RBBP7: variants seen among roughly 807,000 people sequenced by gnomAD.
The protein encoded by RBBP7 is histone-binding protein RBBP7.
A neutral mutation model predicts 35.2 loss-of-function variants in RBBP7; 5 were observed. That is an observed-to-expected ratio of 0.14 (90% CI 0.07 to 0.30). The LOEUF is 0.30. Among genes scored for constraint, RBBP7 ranks in the 10% least tolerant of loss-of-function variants. RBBP7 has a pLI of 1.00. For synonymous variants in RBBP7, 140 were observed against 118.7 expected (o/e 1.18, Z -1.17); for missense variants, 155 against 327.5 (o/e 0.47, Z 4.07).
rs1250490589 is a variant in RBBP7 at position 16,870,171 on chromosome X, G to C, written c.-118C>G. 3 of 901,263 alleles carry C rather than the reference G, an allele frequency of 3.3e-6. No homozygotes were observed. The highest frequency in any genetic ancestry group is 2.8e-6 in the Non-Finnish European group (2 of 719,124). 74.3% of individuals were successfully genotyped at this position (901,263 alleles called of 1,213,427 possible). A position where few individuals can be genotyped will look rare whatever the true frequency, so the allele number is the denominator to read the frequency against. On this transcript the variant is annotated 5_prime_UTR_variant, in exon 1 of 12. Transcript: ENST00000380087. Reference sequence around the variant, plus strand: ...CGCGTCACACTCCCCACTGTCGAAAGCCCGGGCCCCGTCTTGCTGCCTGGG... The same window carrying C: ...CGCGTCACACTCCCCACTGTCGAAACCCCGGGCCCCGTCTTGCTGCCTGGG...
intron 2 of RBBP7, among the ~76,000 whole-genome samples, chrX:16,866,554 AAAAG>A (rs1236483259): frequency 5.2e-5 from 3 of 57,674 alleles, no homozygotes; most frequent in African/African-American, 1.5e-4. Context: ...AAAAAAAAAA[AAAAG>A]AAAGAAAGAA....
chrX:16,853,019 C>T, intron 6 of RBBP7, 144 bp from the exon 7 acceptor site: 5 of 958,976 alleles, frequency 5.2e-6, no homozygotes, highest in Non-Finnish European at 1.4e-6. Context: ...GTGATTCAGA[C>T]CTCGACCACT....
intron 10 of RBBP7, 167 bp downstream of exon 10, chrX:16,849,077 C>G (rs955904328): frequency 1.6e-5 from 6 of 382,445 alleles, no homozygotes; most frequent in Non-Finnish European, 2.7e-5. Flanking sequence ...GCTCCATTTA[C>G]TATTTTTGAT....
intron 2 of RBBP7, among the ~76,000 whole-genome samples, chrX:16,867,758 C>T (rs755646014): frequency 1.6e-4 from 18 of 110,753 alleles, no homozygotes; most frequent in African/African-American, 3.6e-4. Context: ...CTGCAACCTC[C>T]GCCTCCCAGG....
rs1930030682 is a variant in RBBP7, at chrX:16,844,848, C to T, written c.*187G>A. 1 of 342,896 alleles carries T rather than the reference C, an allele frequency of 2.9e-6. No individual in the cohort carries two copies. The highest frequency in any genetic ancestry group is 5.1e-6 in the Non-Finnish European group (1 of 195,414). 28.3% of individuals were successfully genotyped at this position (342,896 alleles called of 1,213,427 possible). On this transcript the variant is annotated 3_prime_UTR_variant, in exon 12 of 12. Transcript: ENST00000380087. ...ATGTTCTTTCTTAAGCAACATTCTTCTCTTCCCTAATAGCTACAATATGAT... is the reference window on the plus strand; with the variant it reads ...ATGTTCTTTCTTAAGCAACATTCTTTTCTTCCCTAATAGCTACAATATGAT...
chrX:16,869,410 A>T (rs1004270871), intron 1 of RBBP7, 190 bp from the exon 2 acceptor site: 100 of 1,083,729 alleles, frequency 9.2e-5, no homozygotes, highest in Non-Finnish European at 1.2e-4. Flanking sequence ...TTTTCCATTG[A>T]GATCAATACC....
intron 9 of RBBP7, among the ~76,000 whole-genome samples, chrX:16,851,769 A>G (rs1930218296): frequency 8.9e-6 from 1 of 112,899 alleles, no homozygotes; most frequent in Non-Finnish European, 1.9e-5. Flanking sequence ...TTTTAAATAC[A>G]GTCATTTGAA....
chrX:16,857,304 A>G (rs769358301), intron 5 of RBBP7, among the ~76,000 whole-genome samples: 5 of 112,011 alleles, frequency 4.5e-5, no homozygotes, highest in Non-Finnish European at 9.4e-5. Flanking sequence ...AGGTCCCACA[A>G]ACACTCTACA....
chrX:16,869,031 C>T lies in RBBP7; in HGVS notation c.161+45G>A, dbSNP rs1444347277. 6 of 1,168,539 alleles carry T rather than the reference C, an allele frequency of 5.1e-6. 1 individual carries two copies. In the South Asian group the frequency reaches 9.7e-5, roughly 19 times the overall value. On this transcript the variant is annotated intron_variant, in intron 2 of 11. Coordinates refer to ENST00000380087, the MANE Select transcript of RBBP7 (RefSeq NM_002893.4). ...AACGCCAAAACTAGGAAATTCAGAA[C>T]GACAGTTAAATTTAAACAAAATAAA... is the stretch of plus-strand genomic sequence containing the variant.
chrX:16,868,658 T>C (rs746888776), intron 2 of RBBP7, among the ~76,000 whole-genome samples: 1 of 112,849 alleles, frequency 8.9e-6, no homozygotes, highest in South Asian at 3.6e-4. Flanking sequence ...AATTAAAATG[T>C]ATTTATCTTG....
At chrX:16,857,811 C>T (rs759721487) in intron 4 of RBBP7, 102 bp from the exon 5 acceptor site, 8 of 1,065,032 alleles carry the variant, frequency 7.5e-6, no homozygotes, top group Admixed American at 7.3e-5. Flanking sequence ...CAACTGCACA[C>T]GAACGAGATC....
intron 4 of RBBP7, 67 bp from the exon 5 acceptor site, chrX:16,857,776 T>A: frequency 8.7e-7 from 1 of 1,155,761 alleles, no homozygotes; most frequent in Non-Finnish European, 1.1e-6. Flanking sequence ...AAATTCTCAC[T>A]CCTTCATTGA....
chrX:16,867,378 C>G (rs1214582020), intron 2 of RBBP7, among the ~76,000 whole-genome samples: 2 of 112,206 alleles, frequency 1.8e-5, no homozygotes, highest in Admixed American at 1.9e-4. Flanking sequence ...TTAGTTAATA[C>G]ATTTTAAATC....
In RBBP7 at chrX:16,868,934, G is replaced by T. The variant is rs905614426; in HGVS notation, c.161+142C>A. The T allele has an allele frequency of 2.7e-5, 16 of 584,088 alleles. No homozygotes were observed. In the African/African-American group the frequency reaches 3.3e-4, roughly 12 times the overall value. 48.1% of individuals were successfully genotyped at this position (584,088 alleles called of 1,213,427 possible). ...CACCAGAAATCATCCCACAAATCAC[G>T]TAAGTTTTGAAAATAAAAACCACCT... On this transcript the variant is annotated intron_variant, in intron 2 of 11. Coordinates refer to ENST00000380087, the MANE Select transcript of RBBP7 (RefSeq NM_002893.4).
rs773141898 is a variant in RBBP7 at position 16,862,943 on chromosome X, T to C, written c.307+12A>G. 10 of 1,206,160 alleles carry C rather than the reference T, an allele frequency of 8.3e-6. No individual in the cohort carries two copies. In the East Asian group the frequency reaches 3.0e-4, roughly 36 times the overall value. Reference sequence around the variant, plus strand: ...CCTTTGACACCAATATTGGAATATATGATATACCTACCACCCTTGTCACTG... The same window carrying C: ...CCTTTGACACCAATATTGGAATATACGATATACCTACCACCCTTGTCACTG... On this transcript the variant is annotated intron_variant, in intron 3 of 11. Coordinates refer to ENST00000380087, the MANE Select transcript of RBBP7 (RefSeq NM_002893.4).
chrX:16,851,195 G>A (rs1930207063), intron 9 of RBBP7, among the ~76,000 whole-genome samples: 1 of 110,274 alleles, frequency 9.1e-6, no homozygotes, highest in Non-Finnish European at 1.9e-5. Context: ...GATTTGAGAT[G>A]CTCAACCAAT....
rs779834633 is a variant in RBBP7 at position 16,870,088 on chromosome X, C to T, written c.-35G>A. ...GGTCGTTCGCCCCTCGCCGCCGCCT[C>T]GGACTCCTCTCGTTAGCCAAGAGCA... On this transcript the variant is annotated 5_prime_UTR_variant, in exon 1 of 12. Transcript: ENST00000380087. 33 of 1,081,414 alleles carry T rather than the reference C, an allele frequency of 3.1e-5. No homozygotes were observed. The highest frequency in any genetic ancestry group is 1.2e-6 in the Non-Finnish European group (1 of 822,855). 89.1% of individuals were successfully genotyped at this position (1,081,414 alleles called of 1,213,427 possible).
At position 16,862,957 on chromosome X, in the gene RBBP7, C is replaced by T; in HGVS notation, c.305G>A (p.Gly102Asp). ...ATTGGAATATATGATATACCTACCA[C>T]CCTTGTCACTGTCACAATGGGAAGC... Reference protein sequence around the residue: ...FDASHCDSDKGEFGGFGSVTG... With the variant: ...FDASHCDSDKDEFGGFGSVTG... The change falls in exon 3 of 12, where the codon GGT becomes GAT. Residue 102 changes from glycine (G) to aspartate (D), a missense_variant and splice_region_variant. By Grantham distance (94) the Gly-to-Asp change is moderately conservative. This residue lies in a region of RBBP7 where 59 missense variants were observed against 90.4 expected (regional missense o/e 0.65). Transcript: ENST00000380087. 1 of 1,210,641 alleles carries T rather than the reference C, an allele frequency of 8.3e-7. No individual in the cohort carries two copies. The highest frequency in any genetic ancestry group is 1.1e-6 in the Non-Finnish European group (1 of 894,693).
At chrX:16,869,879 C>A in intron 1 of RBBP7, 159 bp downstream of exon 1, 2 of 811,689 alleles carry the variant, frequency 2.5e-6, no homozygotes, top group East Asian at 8.4e-5. Flanking sequence ...GCGGCGGTCC[C>A]GTCCCGCGCA....
Sources: allele counts gnomAD v4.1 joint callset (sites outside exome capture counted in the v4.1 genomes callset), GRCh38; gene constraint gnomAD v4.1.1; regional missense constraint gnomAD v4.1.1; transcripts MANE v1.5; gene names NCBI Gene and HGNC (gene_info 2026-07-23, HGNC 2026-07-21).